TBC1D4: variants seen among roughly 807,000 people sequenced by gnomAD.
TBC1D4 encodes the protein TBC1 domain family member 4, also known as TBC (Tre-2, BUB2, CDC16) domain-containing protein.
TBC1D4 carries 121 observed loss-of-function variants against 142.5 expected under a neutral mutation model. The observed-to-expected ratio is 0.85, with a 90% confidence interval of 0.73 to 0.99. The LOEUF (loss-of-function observed/expected upper bound fraction) is 0.99. Among genes scored for constraint, TBC1D4 ranks in the 50% least tolerant of loss-of-function variants. TBC1D4 has a pLI of 0.00. For missense variants in TBC1D4, 1,475 were observed against 1,606.6 expected, an observed-to-expected ratio of 0.92 and a Z score of 1.40; for synonymous variants, 630 against 628.2, an observed-to-expected ratio of 1.00 and a Z score of -0.04.
chr13:75,449,289 CAT>C (rs1189135595), intron 1 of TBC1D4, among the ~76,000 whole-genome samples: 10 of 151,452 alleles, frequency 6.6e-5, no homozygotes, highest in Admixed American at 1.3e-4. Context: ...TATATTGAAC[CAT>C]ATGTGTGTAT....
intron 17 of TBC1D4, among the ~76,000 whole-genome samples, chr13:75,298,149 A>G (rs948013036): frequency 2.6e-5 from 4 of 152,240 alleles, no homozygotes; most frequent in African/African-American, 9.6e-5. Context: ...ATTACTTCTT[A>G]TCTAAAGCAC....
At chr13:75,467,766 A>G (rs1198485614) in intron 1 of TBC1D4, among the ~76,000 whole-genome samples, 2 of 152,222 alleles carry the variant, frequency 1.3e-5, no homozygotes, top group Non-Finnish European at 2.9e-5. Flanking sequence ...AGCTTGGTGC[A>G]TATCTCAGTG....
At chr13:75,457,581 C>T (rs757894779) in intron 1 of TBC1D4, among the ~76,000 whole-genome samples, 11 of 152,170 alleles carry the variant, frequency 7.2e-5, no homozygotes, top group Non-Finnish European at 1.5e-4. Flanking sequence ...AACCGGAGTA[C>T]AATCAAGACC....
At chr13:75,306,183 CT>C in intron 15 of TBC1D4, 129 bp downstream of exon 15, 3 of 866,584 alleles carry the variant, frequency 3.5e-6, no homozygotes, top group Non-Finnish European at 5.2e-6. Context: ...AATTACTTCT[CT>C]TTTTTTACTA....
intron 1 of TBC1D4, among the ~76,000 whole-genome samples, chr13:75,458,107 G>T (rs988373675): frequency 1.4e-4 from 21 of 152,200 alleles, no homozygotes; most frequent in African/African-American, 5.1e-4. Flanking sequence ...CTTGGTACCC[G>T]GGTCCTTGTC....
At chr13:75,481,146 T>A in intron 1 of TBC1D4, 124 bp downstream of exon 1, 2 of 1,393,602 alleles carry the variant, frequency 1.4e-6, no homozygotes, top group Non-Finnish European at 1.9e-6. Context: ...GCGCGCCACG[T>A]GGAGCGCGCG....
intron 1 of TBC1D4, among the ~76,000 whole-genome samples, chr13:75,366,228 G>A (rs1882899631): frequency 6.6e-6 from 1 of 152,140 alleles, no homozygotes; most frequent in Non-Finnish European, 1.5e-5. Context: ...ACTGAAAGAG[G>A]CTCAACCAAA....
chr13:75,412,421 C>T (rs2138404712), intron 1 of TBC1D4, among the ~76,000 whole-genome samples: 1 of 152,196 alleles, frequency 6.6e-6, no homozygotes, highest in South Asian at 2.1e-4. Flanking sequence ...TAGCTGGGAT[C>T]ACAGGCACAT....
chr13:75,409,820 A>G (rs1593855040), intron 1 of TBC1D4, among the ~76,000 whole-genome samples: 1 of 152,340 alleles, frequency 6.6e-6, no homozygotes, highest in African/African-American at 2.4e-5. Context: ...TTTGCTAGAT[A>G]GCTATAAAGG....
chr13:75,341,022 C>T lies in TBC1D4; in HGVS notation c.1611+103G>A, dbSNP rs546798004. 7 of 983,724 alleles carry T rather than the reference C, an allele frequency of 7.1e-6. No individual in the cohort carries two copies. The African/African-American group carries it at 1.1e-4, about 16-fold the overall frequency. The allele number at this position is 983,724 out of a possible 1,614,324, so 60.9% of individuals were successfully genotyped here. A position where few individuals can be genotyped will look rare whatever the true frequency, so the allele number is the denominator to read the frequency against. On this transcript the variant is annotated intron_variant, in intron 7 of 20. Transcript: ENST00000377636. ...GAGTGAGGGGGTAGTTCAGGAAACTCTGATAGGACTTTAGCCCTAAAGAAC... is the reference window on the plus strand; with the variant it reads ...GAGTGAGGGGGTAGTTCAGGAAACTTTGATAGGACTTTAGCCCTAAAGAAC...
intron 7 of TBC1D4, among the ~76,000 whole-genome samples, chr13:75,338,567 C>G (rs959682420): frequency 6.6e-6 from 1 of 152,160 alleles, no homozygotes; most frequent in African/African-American, 2.4e-5. Flanking sequence ...CCTGTATGAT[C>G]ATTTCTTTGT....
intron 1 of TBC1D4, among the ~76,000 whole-genome samples, chr13:75,470,268 C>T (rs753287386): frequency 2.6e-5 from 4 of 152,088 alleles, no homozygotes; most frequent in Non-Finnish European, 4.4e-5. Flanking sequence ...AAAACATAAA[C>T]AATATATGAA....
At chr13:75,447,500 ATGTGTGTGTGTG>A (rs35775136) in intron 1 of TBC1D4, among the ~76,000 whole-genome samples, 2 of 145,344 alleles carry the variant, frequency 1.4e-5, no homozygotes, top group East Asian at 2.0e-4. Flanking sequence ...CATAGTGTGA[ATGTGTGTGTGTG>A]TGTGTGTGTG....
intron 18 of TBC1D4, 97 bp downstream of exon 18, chr13:75,294,757 C>T: frequency 4.4e-6 from 6 of 1,357,086 alleles, no homozygotes; most frequent in Non-Finnish European, 6.2e-6. Context: ...TTCTGTATAA[C>T]ACATGATAGA....
rs1014865452 is a variant in TBC1D4 at position 75,356,208 on chromosome 13, G to A, written c.1214C>T (p.Ser405Phe). The change falls in exon 4 of 21, where the codon TCT becomes TTT. Residue 405 changes from serine to phenylalanine, a missense_variant. Ser to Phe is a radical substitution (Grantham distance 155, BLOSUM62 -2). This residue lies in a region of TBC1D4 where 1,227 missense variants were observed against 1,267.7 expected (regional missense o/e 0.97). Coordinates refer to ENST00000377636, the MANE Select transcript of TBC1D4 (RefSeq NM_014832.5). ...VDHFGFICRE[S>F]PEPGLSQYIC... Reference sequence around the variant, plus strand: ...ATACTGGCTAAGTCCAGGCTCTGGAGACTCCCGGCAGATAAAGCCAAAGTG... The same window carrying A: ...ATACTGGCTAAGTCCAGGCTCTGGAAACTCCCGGCAGATAAAGCCAAAGTG... The A allele has an allele frequency of 1.2e-6, 2 of 1,613,836 alleles. No homozygotes were observed. Among genetic ancestry groups the A allele is most frequent in the Non-Finnish European group, 8.5e-7 (1 of 1,179,814 alleles).
intron 15 of TBC1D4, among the ~76,000 whole-genome samples, chr13:75,305,250 T>G (rs764831755): frequency 1.3e-5 from 2 of 152,226 alleles, no homozygotes; most frequent in African/African-American, 4.8e-5. Flanking sequence ...AACCTCTTTT[T>G]CTTTAGAAAT....
intron 1 of TBC1D4, among the ~76,000 whole-genome samples, chr13:75,438,965 T>G (rs1353458644): frequency 6.6e-6 from 1 of 152,212 alleles, no homozygotes; most frequent in Non-Finnish European, 1.5e-5. Flanking sequence ...CTACATTATT[T>G]TAGTGCCAAA....
intron 4 of TBC1D4, among the ~76,000 whole-genome samples, chr13:75,351,525 C>T (rs972061103): frequency 2.6e-5 from 4 of 151,562 alleles, no homozygotes; most frequent in African/African-American, 4.8e-5. Flanking sequence ...CCCATTAACT[C>T]GTCATTTAGC....
At position 75,356,219 on chromosome 13, in the gene TBC1D4, G is replaced by C. The variant is rs1409501349; in HGVS notation, c.1203C>G (p.Ile401Met). The C allele has an allele frequency of 6.2e-7, 1 of 1,613,744 alleles. No homozygotes were observed. The highest frequency in any genetic ancestry group is 1.1e-5 in the South Asian group (1 of 91,066). The change falls in exon 4 of 21, where the codon ATC becomes ATG. Residue 401 changes from isoleucine (I) to methionine (M), a missense_variant. By Grantham distance (10) the Ile-to-Met change is conservative. This residue lies in a region of TBC1D4 where 1,227 missense variants were observed against 1,267.7 expected (regional missense o/e 0.97). Transcript: ENST00000377636. ...GIKHVDHFGF[I>M]CRESPEPGLS... ...GTCCAGGCTCTGGAGACTCCCGGCAGATAAAGCCAAAGTGATCCACATGCT... is the reference window on the plus strand; with the variant it reads ...GTCCAGGCTCTGGAGACTCCCGGCACATAAAGCCAAAGTGATCCACATGCT...
Sources: gnomAD v4.1 joint callset for allele counts (sites outside exome capture counted in the v4.1 genomes callset) on GRCh38, gnomAD v4.1.1 for gene constraint, gnomAD v4.1.1 regional missense constraint, MANE v1.5 for transcripts, NCBI Gene and HGNC (gene_info 2026-07-23, HGNC 2026-07-21) for gene names.